Variants in SLC4A1 observed in about 807,000 individuals in gnomAD.
SLC4A1 encodes band 3 anion transport protein.
In SLC4A1, 29 loss-of-function variants were observed where a neutral mutation model predicts 93.1. The observed-to-expected ratio is 0.31, with a 90% CI of 0.23 to 0.42. SLC4A1 has a LOEUF of 0.42. SLC4A1 is among the 20% of genes least tolerant of loss of function. SLC4A1 has a pLI of 1.00. For missense variants in SLC4A1, 965 were observed against 1,190.1 expected (o/e 0.81, Z 2.78); for synonymous variants, 469 against 497.2 (o/e 0.94, Z 0.76).
intron 16 of SLC4A1, among the ~76,000 whole-genome samples, chr17:44,253,859 A>G (rs1226675675): frequency 6.6e-6 from 1 of 151,078 alleles, no homozygotes; most frequent in Non-Finnish European, 1.5e-5. Context: ...TTTAGTAGAA[A>G]CGGGGTTTCA....
In SLC4A1 at chr17:44,260,653, G is replaced by A. The variant is rs13306774; in HGVS notation, c.331C>T (p.Arg111Cys). The A allele has an allele frequency of 1.7e-5, 28 of 1,614,040 alleles. No individual in the cohort carries two copies. In the East Asian group the frequency reaches 2.2e-4, roughly 13 times the overall value. ...GGCTCACCCTTGGTGAAGACTCTAC[G>A]CAGCTCTAGGAGGCTCCAGAAGGTG... ...HLTFWSLLEL[R>C]RVFTKGTVLL... The change falls in exon 5 of 20, where the codon CGT (arginine) becomes TGT (cysteine). Residue 111 changes from arginine to cysteine, a missense_variant. Transcript: ENST00000262418.
At chr17:44,267,944 T>C in intron 1 of SLC4A1, 110 bp downstream of exon 1, 1 of 409,216 alleles carries the variant, frequency 2.4e-6, no homozygotes, top group South Asian at 1.0e-4. Flanking sequence ...TGCACCCCCT[T>C]GGAGGTCAGG....
chr17:44,266,333 C>A (rs45445495), intron 1 of SLC4A1, among the ~76,000 whole-genome samples: 5,802 of 152,268 alleles, frequency 0.038, 146 homozygotes, highest in Admixed American at 0.053. Context: ...CTTTCTTAGG[C>A]CTCAGATGCT....
intron 1 of SLC4A1, among the ~76,000 whole-genome samples, chr17:44,265,143 A>G (rs2047485593): frequency 6.7e-6 from 1 of 150,102 alleles, no homozygotes; most frequent in Non-Finnish European, 1.5e-5. Context: ...GGGGGTGCTG[A>G]GCTGAACAAG....
intron 17 of SLC4A1, among the ~76,000 whole-genome samples, chr17:44,252,336 C>T (rs1196968753): frequency 3.9e-5 from 6 of 152,090 alleles, no homozygotes; most frequent in African/African-American, 9.7e-5. Flanking sequence ...CGGCCTCTAT[C>T]GGTCCTTTTT....
At chr17:44,251,069 AC>A in intron 19 of SLC4A1, 89 bp downstream of exon 19, 2 of 1,407,212 alleles carry the variant, frequency 1.4e-6, no homozygotes, top group Non-Finnish European at 2.0e-6. Context: ...CCCAGACTTT[AC>A]CCATGACTCT....
rs1212530896 is a variant in SLC4A1 at position 44,253,083 on chromosome 17, GAGGATGGTGAAGACGCGACCCAGCTT to G, written c.2311+9_2311+34del. The G allele has an allele frequency of 6.2e-7, 1 of 1,603,350 alleles. No homozygotes were observed. The highest frequency in any genetic ancestry group is 2.2e-5 in the East Asian group (1 of 44,884). On this transcript the variant is annotated intron_variant, in intron 17 of 19. Transcript: ENST00000262418. ...GGAAGGGGCCGGGGGTGAGGGGCAG[GAGGATGGTGAAGACGCGACCCAGCTT>G]TCACTCACCCACAAGCACAGCGACC...
chr17:44,253,372 C>T lies in SLC4A1; in HGVS notation c.2058-1G>A, dbSNP rs774663887. The stretch of plus-strand genomic sequence containing the variant: ...GCGCTCAGGTTTGCTGACAATCAGC[C>T]TACGGTAGGGGAAGGTGAGGGGTAA... On this transcript the variant is annotated splice_acceptor_variant, in intron 16 of 19. Coordinates refer to ENST00000262418, the MANE Select transcript of SLC4A1 (RefSeq NM_000342.4). LOFTEE classifies it high-confidence loss of function. 6.2e-7 allele frequency: 1 copy of T among 1,609,276 alleles called. No individual in the cohort carries two copies. Among genetic ancestry groups the T allele is most frequent in the Non-Finnish European group, 8.5e-7 (1 of 1,176,416 alleles).
In SLC4A1 at chr17:44,254,612, GC is replaced by G; in HGVS notation, c.1940del (p.Gly647AlafsTer17). ...GCAAGCCCAGTGGGTGGATGACCCA[GC>G]CCCGGGCTGAGGAGTTGGACACCTT... is the stretch of plus-strand genomic sequence containing the variant. ...GFKVSNSSAR[G>X]WVIHPLGLRS... On this transcript the variant is annotated frameshift_variant, in exon 16 of 20. Transcript: ENST00000262418. LOFTEE classifies it high-confidence loss of function. 6.2e-7 allele frequency: 1 copy of G among 1,614,176 alleles called. No homozygotes were observed.
At chr17:44,254,389 C>A in intron 16 of SLC4A1, 107 bp downstream of exon 16, 1 of 1,070,576 alleles carries the variant, frequency 9.3e-7, no homozygotes. Flanking sequence ...GCCACACACC[C>A]GCAGGGACTA....
intron 6 of SLC4A1, 122 bp from the exon 7 acceptor site, chr17:44,260,054 T>G: frequency 7.8e-7 from 1 of 1,275,770 alleles, no homozygotes; most frequent in Non-Finnish European, 1.1e-6. Flanking sequence ...CATCTGGGAC[T>G]TCCCAGACCA....
intron 14 of SLC4A1, 96 bp downstream of exon 14, chr17:44,255,577 G>T (rs895923418): frequency 1.6e-6 from 2 of 1,288,512 alleles, no homozygotes; most frequent in African/African-American, 2.9e-5. Context: ...ATCTGAAAAA[G>T]AAGGGAAGCT....
Position 44,259,591 on chromosome 17 carries a change from G to A in SLC4A1, c.610-10C>T, listed in dbSNP as rs761456345. 5 of 1,609,970 alleles carry A rather than the reference G, an allele frequency of 3.1e-6. No homozygotes were observed. Among genetic ancestry groups the A allele is most frequent in the Non-Finnish European group, 4.3e-6 (5 of 1,176,260 alleles). ...CTGTGCCCCCATCTCCCTGTGGGAAGGAGGGTGGTGACGGGAGTCCTCGGG... is the reference window on the plus strand; with the variant it reads ...CTGTGCCCCCATCTCCCTGTGGGAAAGAGGGTGGTGACGGGAGTCCTCGGG... On this transcript the variant is annotated splice_polypyrimidine_tract_variant and intron_variant, in intron 7 of 19. Coordinates refer to ENST00000262418, the MANE Select transcript of SLC4A1 (RefSeq NM_000342.4).
At chr17:44,263,986 G>A (rs1010572823) in intron 1 of SLC4A1, among the ~76,000 whole-genome samples, 3 of 151,874 alleles carry the variant, frequency 2.0e-5, no homozygotes, top group African/African-American at 7.3e-5. Flanking sequence ...ATCTCAGTGT[G>A]GGCTGCTGAT....
intron 16 of SLC4A1, 71 bp from the exon 17 acceptor site, chr17:44,253,442 T>C: frequency 1.9e-6 from 3 of 1,554,774 alleles, no homozygotes; most frequent in Non-Finnish European, 2.6e-6. Flanking sequence ...TCCTTCTCCA[T>C]ACTTGGTGTC....
rs2047324107 is a variant in SLC4A1, at chr17:44,249,963, A to ATGT, written c.*494_*495insACA. The stretch of plus-strand genomic sequence containing the variant: ...ATAGAACAGTCCCTGTGGAGTTTAC[A>ATGT]AAGCCCTATTTTACATGTATCTTTG... On this transcript the variant is annotated 3_prime_UTR_variant, in exon 20 of 20. Coordinates refer to ENST00000262418, the MANE Select transcript of SLC4A1 (RefSeq NM_000342.4). The ATGT allele has an allele frequency of 5.1e-6, 1 of 195,512 alleles. No homozygotes were observed. The highest frequency in any genetic ancestry group is 5.3e-5 in the Admixed American group (1 of 18,896). 12.1% of individuals were successfully genotyped at this position (195,512 alleles called of 1,614,324 possible). A position where few individuals can be genotyped will look rare whatever the true frequency, so the allele number is the denominator to read the frequency against.
intron 13 of SLC4A1, among the ~76,000 whole-genome samples, chr17:44,256,856 CAGACAT>C (rs2047393364): frequency 6.6e-6 from 1 of 152,206 alleles, no homozygotes; most frequent in African/African-American, 2.4e-5. Context: ...TGTGACTACA[CAGACAT>C]AGACACATAT....
rs754003200 is a variant in SLC4A1 at position 44,262,915 on chromosome 17, A to G, written c.-49T>C. On this transcript the variant is annotated 5_prime_UTR_variant, in exon 2 of 20. An upstream start codon of the reference 5' UTR is lost. Transcript: ENST00000262418. ...GTCTACGGTGATCTGAGCCCCCAGC[A>G]TAACCCGCACCGCGGGTCCCTGCAG... 1.9e-6 allele frequency: 3 copies of G among 1,613,614 alleles called. No individual in the cohort carries two copies. The highest frequency in any genetic ancestry group is 1.7e-5 in the Admixed American group (1 of 60,028).
At chr17:44,261,822 G>T (rs756045257) in intron 3 of SLC4A1, among the ~76,000 whole-genome samples, 186 bp from the exon 4 acceptor site, 1 of 152,134 alleles carries the variant, frequency 6.6e-6, no homozygotes, top group Non-Finnish European at 1.5e-5. Flanking sequence ...ACACTTGTGT[G>T]CTGGGCCTAG....
Sources: allele counts gnomAD v4.1 joint callset (sites outside exome capture counted in the v4.1 genomes callset), GRCh38; gene constraint gnomAD v4.1.1; transcripts MANE v1.5; gene names NCBI Gene and HGNC (gene_info 2026-07-23, HGNC 2026-07-21).